The following RORA variants were observed in gnomAD, a reference collection of about 807,000 sequenced individuals.
RORA encodes the protein nuclear receptor ROR-alpha.
A neutral mutation model predicts 69.5 loss-of-function variants in RORA; 7 were observed. That is an observed-to-expected ratio of 0.10 (90% CI 0.06 to 0.19). RORA has a LOEUF of 0.19. RORA is among the 10% of genes least tolerant of loss of function. The pLI, the probability that RORA is intolerant of heterozygous loss-of-function variation, is 1.00. For synonymous variants in RORA, 261 were observed against 240.8 expected (o/e 1.08, Z -0.78); for missense variants, 457 against 663.0 (o/e 0.69, Z 3.41).
At chr15:60,669,293 G>C (rs749574428) in intron 2 of RORA, among the ~76,000 whole-genome samples, 1 of 152,006 alleles carries the variant, frequency 6.6e-6, no homozygotes, top group Non-Finnish European at 1.5e-5. Context: ...ATAATCAGAA[G>C]AGCCTTCTCT....
chr15:60,753,210 T>C (rs1236311425), intron 1 of RORA, among the ~76,000 whole-genome samples: 3 of 152,246 alleles, frequency 2.0e-5, no homozygotes, highest in Admixed American at 1.3e-4. Flanking sequence ...ACTCGCAGTT[T>C]AGTTCTGACA....
intron 1 of RORA, among the ~76,000 whole-genome samples, chr15:60,891,070 G>C (rs1260702149): frequency 2.6e-5 from 4 of 152,208 alleles, no homozygotes; most frequent in Non-Finnish European, 5.9e-5. Flanking sequence ...GATGTCTCGG[G>C]AAGATCAAGG....
intron 1 of RORA, among the ~76,000 whole-genome samples, chr15:60,886,171 A>G (rs184090569): frequency 9.8e-4 from 149 of 152,346 alleles, no homozygotes; most frequent in African/African-American, 3.5e-3. Context: ...TTCCCCCAAA[A>G]AATCAAAGAA....
At chr15:61,114,772 C>T (rs375007118) in intron 1 of RORA, among the ~76,000 whole-genome samples, 1 of 152,178 alleles carries the variant, frequency 6.6e-6, no homozygotes, top group Non-Finnish European at 1.5e-5. Context: ...CAAGCAAGTG[C>T]ACTCCTTCTG....
At chr15:61,023,000 C>T (rs1183043729) in intron 1 of RORA, among the ~76,000 whole-genome samples, 1 of 151,928 alleles carries the variant, frequency 6.6e-6, no homozygotes, top group Non-Finnish European at 1.5e-5. Flanking sequence ...GCCTGGCCAA[C>T]AAGGTGAAAC....
At chr15:61,215,025 C>A (rs1237363022) in intron 1 of RORA, among the ~76,000 whole-genome samples, 2 of 138,922 alleles carry the variant, frequency 1.4e-5, no homozygotes, top group African/African-American at 5.3e-5. Context: ...CCACCACGCC[C>A]AGCTAATTTT....
chr15:60,707,138 C>A (rs974847874), intron 1 of RORA, among the ~76,000 whole-genome samples: 2 of 152,052 alleles, frequency 1.3e-5, no homozygotes, highest in African/African-American at 4.8e-5. Flanking sequence ...GAATCTGTAA[C>A]CGTTGGTTTG....
At chr15:61,224,668 G>A (rs1464872887) in intron 1 of RORA, among the ~76,000 whole-genome samples, 3 of 152,196 alleles carry the variant, frequency 2.0e-5, no homozygotes, top group Non-Finnish European at 4.4e-5. Flanking sequence ...TGTCTCACTC[G>A]AATTCCAAAG....
chr15:60,558,022 A>C (rs2067417364), intron 2 of RORA: 1 of 382,262 alleles, frequency 2.6e-6, no homozygotes, highest in African/African-American at 2.1e-5. Flanking sequence ...GGAGAGCAGG[A>C]TGTTTGGCCT....
chr15:61,091,471 C>A (rs922874626), intron 1 of RORA, among the ~76,000 whole-genome samples: 8 of 152,178 alleles, frequency 5.3e-5, no homozygotes, highest in African/African-American at 1.7e-4. Context: ...ACGAAGGAAG[C>A]CCAGTGCACC....
Position 61,034,918 on chromosome 15 carries a change from T to C in RORA, c.166+194135A>G, listed in dbSNP as rs554861849. On this transcript the variant is annotated intron_variant, in intron 1 of 10. Coordinates refer to ENST00000335670, the MANE Select transcript of RORA (RefSeq NM_134261.3). The stretch of plus-strand genomic sequence containing the variant: ...AGCTGGAGTTTCAGTTTTCTGGAGA[T>C]TGTACTTCCTGGTAACATAAAAACA... 1.9e-4 allele frequency among the ~76,000 whole-genome samples: 29 copies of C among 152,144 alleles called. 1 individual carries two copies. The highest frequency in any genetic ancestry group is 2.9e-5 in the Non-Finnish European group (2 of 68,014).
chr15:60,911,566 G>A (rs1891718041), intron 1 of RORA, among the ~76,000 whole-genome samples: 1 of 152,060 alleles, frequency 6.6e-6, no homozygotes, highest in Non-Finnish European at 1.5e-5. Flanking sequence ...AATCATTCTA[G>A]AATGAAAGAC....
At chr15:61,037,776 G>A (rs1896533325) in intron 1 of RORA, among the ~76,000 whole-genome samples, 1 of 152,274 alleles carries the variant, frequency 6.6e-6, no homozygotes, top group African/African-American at 2.4e-5. Flanking sequence ...GTAAGGCAAG[G>A]TGGCCTGAGA....
chr15:60,848,290 A>G (rs1019265125), intron 1 of RORA: 1 of 152,318 alleles, frequency 6.6e-6, no homozygotes, highest in East Asian at 1.9e-4. Context: ...ATGGCAAAAG[A>G]GACTCAAAGG....
At chr15:61,102,160 G>C (rs529114863) in intron 1 of RORA, among the ~76,000 whole-genome samples, 22 of 152,272 alleles carry the variant, frequency 1.4e-4, no homozygotes, top group African/African-American at 5.3e-4. Context: ...GAGGAAAGTG[G>C]ATGCTTGAGA....
intron 1 of RORA, among the ~76,000 whole-genome samples, chr15:60,826,919 C>T (rs569312881): frequency 6.6e-6 from 1 of 152,208 alleles, no homozygotes; most frequent in South Asian, 2.1e-4. Flanking sequence ...TAATTGGAGT[C>T]TGGAAACTCC....
chr15:60,771,449 G>C (rs1054534937), intron 1 of RORA, among the ~76,000 whole-genome samples: 1 of 152,120 alleles, frequency 6.6e-6, no homozygotes, highest in African/African-American at 2.4e-5. Flanking sequence ...CAAGCTCTTG[G>C]GTAGCAGTGA....
intron 1 of RORA, among the ~76,000 whole-genome samples, chr15:60,949,180 A>C (rs1275463853): frequency 1.3e-5 from 2 of 152,046 alleles, no homozygotes; most frequent in African/African-American, 4.8e-5. Flanking sequence ...CCCCTATGAC[A>C]TGGCCCCTTC....
At chr15:61,118,938 C>T (rs187375176) in intron 1 of RORA, among the ~76,000 whole-genome samples, 1 of 151,852 alleles carries the variant, frequency 6.6e-6, no homozygotes, top group East Asian at 1.9e-4. Flanking sequence ...ATGTACTGGG[C>T]GACCTATAAT....
Sources: allele counts gnomAD v4.1 joint callset (sites outside exome capture counted in the v4.1 genomes callset), GRCh38; gene constraint gnomAD v4.1.1; transcripts MANE v1.5; gene names NCBI Gene and HGNC (gene_info 2026-07-23, HGNC 2026-07-21).